Variants in VAT1L observed in about 807,000 individuals in gnomAD.
VAT1L encodes the protein vesicle amine transport 1 like.
Under a neutral mutation model 44.1 loss-of-function variants are expected in VAT1L, and 34 were observed. That is an observed-to-expected ratio of 0.77 (90% CI 0.59 to 1.03). The LOEUF (loss-of-function observed/expected upper bound fraction) is 1.03. VAT1L is among the 50% of genes least tolerant of loss of function. VAT1L has a pLI of 0.00. For synonymous variants in VAT1L, 253 were observed against 202.2 expected, an observed-to-expected ratio of 1.25 and a Z score of -2.13; for missense variants, 615 against 538.8, an observed-to-expected ratio of 1.14 and a Z score of -1.40.
At chr16:77,872,184 A>G (rs2017039974) in intron 4 of VAT1L, among the ~76,000 whole-genome samples, 1 of 152,132 alleles carries the variant, frequency 6.6e-6, no homozygotes, top group Non-Finnish European at 1.5e-5. Flanking sequence ...TAACACTGAA[A>G]TAAAATGTAT....
chr16:77,889,918 C>A (rs2017245735), intron 7 of VAT1L, among the ~76,000 whole-genome samples: 2 of 152,044 alleles, frequency 1.3e-5, no homozygotes, highest in Admixed American at 6.6e-5. Context: ...GAAGCCCCAT[C>A]TCTACTAAAA....
At chr16:77,905,221 T>C (rs564565310) in intron 7 of VAT1L, among the ~76,000 whole-genome samples, 2 of 152,290 alleles carry the variant, frequency 1.3e-5, no homozygotes, top group East Asian at 3.9e-4. Flanking sequence ...TTGCAATAAT[T>C]TTCCTATGGC....
At chr16:77,946,693 G>A (rs1280902510) in intron 7 of VAT1L, among the ~76,000 whole-genome samples, 1 of 152,148 alleles carries the variant, frequency 6.6e-6, no homozygotes, top group Non-Finnish European at 1.5e-5. Context: ...GTCACTCTGG[G>A]AAGATGTGAC....
intron 5 of VAT1L, among the ~76,000 whole-genome samples, chr16:77,877,335 C>A (rs1211910770): frequency 6.6e-6 from 1 of 151,714 alleles, no homozygotes; most frequent in African/African-American, 2.4e-5. Context: ...ATGGTGAAAC[C>A]CCGTCTCTAC....
chr16:77,908,602 T>C (rs2142482936), intron 7 of VAT1L, among the ~76,000 whole-genome samples: 1 of 151,480 alleles, frequency 6.6e-6, no homozygotes, highest in East Asian at 2.0e-4. Context: ...AGGATCGCCA[T>C]GACCTGTCAG....
At chr16:77,915,281 C>T (rs1247642440) in intron 7 of VAT1L, among the ~76,000 whole-genome samples, 4 of 152,216 alleles carry the variant, frequency 2.6e-5, no homozygotes, top group East Asian at 3.9e-4. Context: ...TATTACCATT[C>T]GTAAATTGTG....
At chr16:77,905,659 A>G (rs1436749823) in intron 7 of VAT1L, among the ~76,000 whole-genome samples, 1 of 152,028 alleles carries the variant, frequency 6.6e-6, no homozygotes, top group Non-Finnish European at 1.5e-5. Context: ...TTCTGTTTAT[A>G]TCATTAGCTG....
intron 1 of VAT1L, among the ~76,000 whole-genome samples, chr16:77,804,417 A>G (rs1347275056): frequency 2.0e-5 from 3 of 152,156 alleles, no homozygotes; most frequent in Non-Finnish European, 4.4e-5. Flanking sequence ...GGCTCTAGAC[A>G]TTTAGATTCT....
intron 3 of VAT1L, among the ~76,000 whole-genome samples, chr16:77,841,845 A>G (rs1430651478): frequency 6.6e-6 from 1 of 152,140 alleles, no homozygotes; most frequent in South Asian, 2.1e-4. Context: ...GTGGTGTCTA[A>G]GCCTTTATCC....
chr16:77,916,817 C>G (rs78205687), intron 7 of VAT1L, among the ~76,000 whole-genome samples: 3 of 129,230 alleles, frequency 2.3e-5, no homozygotes, highest in Admixed American at 8.3e-5. Flanking sequence ...TTTTTTTTTC[C>G]TAAGTCAGAC....
At chr16:77,820,545 G>A (rs150122317) in intron 2 of VAT1L, among the ~76,000 whole-genome samples, 1 of 152,212 alleles carries the variant, frequency 6.6e-6, no homozygotes, top group African/African-American at 2.4e-5. Flanking sequence ...AGCATGAGCC[G>A]TCAGTCAGGA....
Position 77,818,768 on chromosome 16 carries a change from A to G in VAT1L, c.363+1718A>G, listed in dbSNP as rs537920540. ...CCTTCCAGTGACTTGTGGCTGCACA[A>G]AAAAATAAGTCACTTACTCGTTTCC... is the stretch of plus-strand genomic sequence containing the variant. On this transcript the variant is annotated intron_variant, in intron 2 of 8. Coordinates refer to ENST00000302536, the MANE Select transcript of VAT1L (RefSeq NM_020927.3). Among the ~76,000 whole-genome samples the G allele has an allele frequency of 1.8e-4, 27 of 152,334 alleles. No homozygotes were observed. The East Asian group carries it at 5.0e-3, about 28-fold the overall frequency.
intron 7 of VAT1L, among the ~76,000 whole-genome samples, chr16:77,889,302 T>C (rs2017239831): frequency 6.6e-6 from 1 of 152,204 alleles, no homozygotes; most frequent in South Asian, 2.1e-4. Flanking sequence ...TTATTGTAAA[T>C]TTAATTCACA....
In VAT1L at chr16:77,977,747, G is replaced by A. The variant is rs1289262677; in HGVS notation, c.*52G>A. The A allele has an allele frequency of 1.7e-5, 27 of 1,560,166 alleles. No homozygotes were observed. Among genetic ancestry groups the A allele is most frequent in the African/African-American group, 4.1e-5 (3 of 73,716 alleles). On this transcript the variant is annotated 3_prime_UTR_variant, in exon 9 of 9. Coordinates refer to ENST00000302536, the MANE Select transcript of VAT1L (RefSeq NM_020927.3). ...AGGATGGTTTGGAAGATGAGGACCC[G>A]GCTGAGAAAACTCTTCTGTGCCCCA...
At chr16:77,855,528 C>T (rs542860729) in intron 3 of VAT1L, among the ~76,000 whole-genome samples, 1 of 152,262 alleles carries the variant, frequency 6.6e-6, no homozygotes, top group African/African-American at 2.4e-5. Flanking sequence ...AAACATAGTG[C>T]ACCAATGCAG....
At chr16:77,976,003 C>A (rs2018335981) in intron 8 of VAT1L, among the ~76,000 whole-genome samples, 1 of 152,150 alleles carries the variant, frequency 6.6e-6, no homozygotes. Context: ...TTCAAAGAGC[C>A]ATAGAGAAGA....
chr16:77,915,344 G>A (rs1045567260), intron 7 of VAT1L, among the ~76,000 whole-genome samples: 3 of 152,288 alleles, frequency 2.0e-5, no homozygotes, highest in East Asian at 3.9e-4. Flanking sequence ...ATGCATATAC[G>A]GATTTTTTCA....
chr16:77,976,307 G>C (rs1053488182), intron 8 of VAT1L, among the ~76,000 whole-genome samples: 1 of 152,190 alleles, frequency 6.6e-6, no homozygotes, highest in East Asian at 1.9e-4. Context: ...TCATAATAGG[G>C]AGATTGTTCC....
chr16:77,900,695 G>GAA (rs746858329), intron 7 of VAT1L, among the ~76,000 whole-genome samples: 17 of 126,586 alleles, frequency 1.3e-4, no homozygotes, highest in African/African-American at 4.6e-4. Context: ...ACTGTGTCTT[G>GAA]AAAAAAAAAA....
Sources: allele counts gnomAD v4.1 joint callset (sites outside exome capture counted in the v4.1 genomes callset), GRCh38; gene constraint gnomAD v4.1.1; transcripts MANE v1.5; gene names NCBI Gene and HGNC (gene_info 2026-07-23, HGNC 2026-07-21).